Variants in WDTC1 observed in about 807,000 individuals in gnomAD.
WDTC1 encodes the protein WD and tetratricopeptide repeats protein 1.
A neutral mutation model predicts 76.0 loss-of-function variants in WDTC1; 12 were observed. That is an observed-to-expected ratio of 0.16 (90% CI 0.10 to 0.26). The LOEUF is 0.26. WDTC1 is among the 10% of genes least tolerant of loss of function. The pLI is 1.00. For missense variants in WDTC1, 511 were observed against 908.8 expected (o/e 0.56, Z 5.63); for synonymous variants, 326 against 350.8 (o/e 0.93, Z 0.79).
At chr1:27,262,827 G>A (rs2012525008) in intron 2 of WDTC1, among the ~76,000 whole-genome samples, 1 of 151,766 alleles carries the variant, frequency 6.6e-6, no homozygotes, top group African/African-American at 2.4e-5. Flanking sequence ...TGTGCAATAT[G>A]TGTCCTAAAG....
chr1:27,291,093 G>T (rs1196092461), intron 6 of WDTC1, among the ~76,000 whole-genome samples: 2 of 152,238 alleles, frequency 1.3e-5, no homozygotes, highest in Non-Finnish European at 2.9e-5. Context: ...GTCAGAGAAG[G>T]TGTCCTAGCA....
In WDTC1 at chr1:27,303,380, C is replaced by T. The variant is rs76890862; in HGVS notation, c.1469-241C>T. Among the ~76,000 whole-genome samples the T allele has an allele frequency of 7.2e-5, 11 of 152,310 alleles. No homozygotes were observed. Among genetic ancestry groups the T allele is most frequent in the East Asian group, 5.8e-4 (3 of 5,190 alleles). ...TCTGCATCTTTGGGGCTTTCAGGCCCTCATTTAGGGACCTGAACCAGGGCC... is the reference window on the plus strand; with the variant it reads ...TCTGCATCTTTGGGGCTTTCAGGCCTTCATTTAGGGACCTGAACCAGGGCC... On this transcript the variant is annotated intron_variant, in intron 13 of 15. Coordinates refer to ENST00000319394, the MANE Select transcript of WDTC1 (RefSeq NM_001276252.2). This position sits in a 1 kb window ranked among gnomAD's most constrained non-coding sequence, Gnocchi z 4.8.
At chr1:27,288,136 G>C (rs904882250) in intron 6 of WDTC1, among the ~76,000 whole-genome samples, 2 of 152,010 alleles carry the variant, frequency 1.3e-5, no homozygotes, top group African/African-American at 2.4e-5. Flanking sequence ...GGGCATTCAC[G>C]TTACTCTTTC....
At chr1:27,288,827 G>A (rs576583763) in intron 6 of WDTC1, among the ~76,000 whole-genome samples, 2,902 of 151,968 alleles carry the variant, frequency 0.019, 73 homozygotes, top group African/African-American at 0.066. Flanking sequence ...CCACAAAACC[G>A]CCATTGTCAT....
At chr1:27,240,052 A>G (rs571990938) in intron 1 of WDTC1, among the ~76,000 whole-genome samples, 2 of 151,752 alleles carry the variant, frequency 1.3e-5, no homozygotes, top group East Asian at 4.0e-4. Flanking sequence ...CCATGCCTGG[A>G]TAATTTTTGT....
At position 27,298,064 on chromosome 1, in the gene WDTC1, T is replaced by C. The variant is rs1240054046; in HGVS notation, c.1185T>C (p.Asn395=). ...AGGCTGTGCAGAGGGCCCCTCACAA[T>C]GCCATGCTTTATGGAAACCGAGCAG... ...YSKAVQRAPH[N]AMLYGNRAAA... Residue 395 remains asparagine (N), a synonymous_variant, in exon 12 of 16, where the codon AAT becomes AAC. Transcript: ENST00000319394. 1.2e-6 allele frequency: 2 copies of C among 1,613,662 alleles called. No homozygotes were observed. Among genetic ancestry groups the C allele is most frequent in the Non-Finnish European group, 1.7e-6 (2 of 1,179,712 alleles).
At chr1:27,287,556 T>C (rs2013376205) in intron 5 of WDTC1, 118 bp from the exon 6 acceptor site, 1 of 1,192,778 alleles carries the variant, frequency 8.4e-7, no homozygotes, top group Non-Finnish European at 1.2e-6. Context: ...CCAGCCTGCA[T>C]GGGCTCATTC....
At chr1:27,300,070 C>T (rs1179850774) in intron 12 of WDTC1, among the ~76,000 whole-genome samples, 1 of 152,228 alleles carries the variant, frequency 6.6e-6, no homozygotes, top group African/African-American at 2.4e-5. Context: ...CAGGCCACGC[C>T]ATTGAAGCAG....
At chr1:27,297,325 C>A (rs185777167) in intron 11 of WDTC1, among the ~76,000 whole-genome samples, 169 bp downstream of exon 11, 1 of 152,288 alleles carries the variant, frequency 6.6e-6, no homozygotes, top group East Asian at 1.9e-4. Flanking sequence ...GTTTCCAGTG[C>A]CCCTCTGCCT....
chr1:27,235,329 A>G (rs1179378485), intron 1 of WDTC1, among the ~76,000 whole-genome samples: 1 of 151,848 alleles, frequency 6.6e-6, no homozygotes, highest in Non-Finnish European at 1.5e-5. Context: ...CTGGGAGGGC[A>G]ACGCCGACCT....
In WDTC1 at chr1:27,303,460, G is replaced by A. The variant is rs946836486; in HGVS notation, c.1469-161G>A. ...ATCCTCAGGGGCTAGATCCAAAGATGCATCTTCCTCACAACCTTTCCCCAG... is the reference window on the plus strand; with the variant it reads ...ATCCTCAGGGGCTAGATCCAAAGATACATCTTCCTCACAACCTTTCCCCAG... On this transcript the variant is annotated intron_variant, in intron 13 of 15. Transcript: ENST00000319394. The surrounding 1 kb of genome is among the most constrained non-coding windows in gnomAD (Gnocchi z 4.8). Among the ~76,000 whole-genome samples the A allele has an allele frequency of 2.5e-4, 38 of 152,156 alleles. No homozygotes were observed. Among genetic ancestry groups the A allele is most frequent in the African/African-American group, 8.9e-4 (37 of 41,426 alleles).
chr1:27,292,069 G>A, intron 6 of WDTC1, 146 bp from the exon 7 acceptor site: 1 of 822,782 alleles, frequency 1.2e-6, no homozygotes, highest in African/African-American at 1.7e-5. Context: ...GGACACTCAA[G>A]AAATGGGAGT....
At chr1:27,254,641 CTT>C (rs1450986532) in intron 1 of WDTC1, among the ~76,000 whole-genome samples, 1 of 150,946 alleles carries the variant, frequency 6.6e-6, no homozygotes, top group African/African-American at 2.4e-5. Flanking sequence ...TAAATTTTGA[CTT>C]TTTTTTTGAG....
intron 1 of WDTC1, among the ~76,000 whole-genome samples, chr1:27,238,288 G>GA (rs5773183): frequency 0.98 from 149,018 of 152,270 alleles, 73,014 homozygotes; most frequent in Middle Eastern, 1. Flanking sequence ...AATACTTGAA[G>GA]ATTGTCATGG....
At chr1:27,292,544 C>A in intron 7 of WDTC1, 147 bp downstream of exon 7, 1 of 715,782 alleles carries the variant, frequency 1.4e-6, no homozygotes, top group Non-Finnish European at 2.0e-6. Flanking sequence ...CCTCCCATCT[C>A]AGCCTCTCAA....
intron 1 of WDTC1, among the ~76,000 whole-genome samples, chr1:27,253,399 C>CTCCCCT (rs2012156520): frequency 1.1e-5 from 1 of 92,162 alleles, no homozygotes; most frequent in Non-Finnish European, 2.1e-5. Context: ...TCCCCTCCCC[C>CTCCCCT]TCCCCCTCCC....
chr1:27,278,892 G>A (rs190079418), intron 3 of WDTC1, among the ~76,000 whole-genome samples: 123 of 151,814 alleles, frequency 8.1e-4, no homozygotes, highest in Non-Finnish European at 1.2e-3. Flanking sequence ...GCAAAACCCC[G>A]TCTCAACTAA....
intron 4 of WDTC1, among the ~76,000 whole-genome samples, chr1:27,282,971 C>A (rs1390249883): frequency 6.6e-6 from 1 of 151,508 alleles, no homozygotes; most frequent in African/African-American, 2.4e-5. Context: ...AACCCCGTCT[C>A]TACAAAAAAA....
intron 12 of WDTC1, among the ~76,000 whole-genome samples, chr1:27,300,278 G>A (rs953213405): frequency 6.6e-6 from 1 of 152,008 alleles, no homozygotes; most frequent in East Asian, 1.9e-4. Context: ...TCTAAGGGGT[G>A]CCTCTTACTG....
Sources: allele counts gnomAD v4.1 joint callset (sites outside exome capture counted in the v4.1 genomes callset), GRCh38; gene constraint gnomAD v4.1.1; non-coding constraint Gnocchi (gnomAD v3.1); transcripts MANE v1.5; gene names NCBI Gene and HGNC (gene_info 2026-07-23, HGNC 2026-07-21).